Variants in RBMS3 observed in about 807,000 individuals in gnomAD.
RBMS3 encodes the protein RNA-binding motif, single-stranded-interacting protein 3.
Under a neutral mutation model 66.8 loss-of-function variants are expected in RBMS3, and 27 were observed. The observed-to-expected ratio is 0.40, with a 90% CI of 0.30 to 0.56. RBMS3 has a LOEUF of 0.56. Among genes scored for constraint, RBMS3 ranks in the 20% least tolerant of loss-of-function variants. RBMS3 has a pLI of 0.40. For missense variants in RBMS3, 513 were observed against 549.5 expected, an observed-to-expected ratio of 0.93 and a Z score of 0.66; for synonymous variants, 188 against 183.0, an observed-to-expected ratio of 1.03 and a Z score of -0.22.
At chr3:29,678,594 T>C (rs2051352199) in intron 4 of RBMS3, among the ~76,000 whole-genome samples, 1 of 151,972 alleles carries the variant, frequency 6.6e-6, no homozygotes, top group South Asian at 2.1e-4. Context: ...TAAGGAAGAG[T>C]CACCCACTTG....
At chr3:29,580,613 GT>G (rs745358858) in intron 3 of RBMS3, among the ~76,000 whole-genome samples, 2 of 150,196 alleles carry the variant, frequency 1.3e-5, no homozygotes, top group Non-Finnish European at 3.0e-5. Flanking sequence ...CCATGTTAGA[GT>G]TTTTTTTTCC....
rs1019010874 is a variant in RBMS3, at chr3:30,004,114, A to G, written c.*252A>G. The G allele has an allele frequency of 4.2e-5, 13 of 310,798 alleles. No individual in the cohort carries two copies. The highest frequency in any genetic ancestry group is 6.9e-5 in the Non-Finnish European group (12 of 174,860). The allele number at this position is 310,798 out of a possible 1,614,324, so 19.3% of individuals were successfully genotyped here. A position where few individuals can be genotyped will look rare whatever the true frequency, so the allele number is the denominator to read the frequency against. ...TTAAAGAAAAAATTTCCAGAAGAGG[A>G]AAAAAAAACTACAAAAAACAAAACA... On this transcript the variant is annotated 3_prime_UTR_variant, in exon 15 of 15. Coordinates refer to ENST00000383767, the MANE Select transcript of RBMS3 (RefSeq NM_001003793.3).
chr3:29,393,202 A>G (rs778100659), intron 1 of RBMS3, among the ~76,000 whole-genome samples: 2 of 152,220 alleles, frequency 1.3e-5, no homozygotes, highest in African/African-American at 4.8e-5. Flanking sequence ...TATAAGGTCC[A>G]TTCTGTGACC....
intron 5 of RBMS3, among the ~76,000 whole-genome samples, chr3:29,750,539 C>G (rs2055127348): frequency 6.6e-6 from 1 of 152,190 alleles, no homozygotes; most frequent in Non-Finnish European, 1.5e-5. Context: ...ACTAATATAA[C>G]TCAAACCTAT....
intron 4 of RBMS3, among the ~76,000 whole-genome samples, chr3:29,734,033 C>G (rs2054261732): frequency 6.6e-6 from 1 of 152,110 alleles, no homozygotes; most frequent in African/African-American, 2.4e-5. Flanking sequence ...CACCCACACA[C>G]ACACACACAG....
chr3:29,424,500 C>T (rs2040866507), intron 1 of RBMS3, among the ~76,000 whole-genome samples: 1 of 152,150 alleles, frequency 6.6e-6, no homozygotes, highest in Admixed American at 6.5e-5. Flanking sequence ...TAGAAGGAAA[C>T]AGGGATACGT....
chr3:29,297,484 C>T (rs1216763829), intron 1 of RBMS3, among the ~76,000 whole-genome samples: 1 of 151,866 alleles, frequency 6.6e-6, no homozygotes, highest in East Asian at 1.9e-4. Context: ...TTTCTTTGCA[C>T]TTCCATTATG....
At chr3:29,839,222 A>G (rs1399657109) in intron 6 of RBMS3, among the ~76,000 whole-genome samples, 3 of 152,114 alleles carry the variant, frequency 2.0e-5, no homozygotes. Context: ...GGTGCAGGGA[A>G]CACTTCTAAA....
chr3:29,346,549 G>A (rs2036590933), intron 1 of RBMS3, among the ~76,000 whole-genome samples: 1 of 151,718 alleles, frequency 6.6e-6, no homozygotes, highest in Non-Finnish European at 1.5e-5. Flanking sequence ...GATTACAGGT[G>A]CCGACCACCA....
At chr3:29,856,396 T>C (rs1007457210) in intron 6 of RBMS3, among the ~76,000 whole-genome samples, 2 of 152,158 alleles carry the variant, frequency 1.3e-5, no homozygotes, top group African/African-American at 4.8e-5. Context: ...TCTGGGAGAT[T>C]GTGAAAGGTC....
At chr3:29,878,344 A>C (rs1405442288) in intron 7 of RBMS3, among the ~76,000 whole-genome samples, 1 of 152,044 alleles carries the variant, frequency 6.6e-6, no homozygotes, top group Non-Finnish European at 1.5e-5. Context: ...GTTTCTCTGA[A>C]TATCTTAGTT....
chr3:29,681,975 A>G (rs1402545224), intron 4 of RBMS3, among the ~76,000 whole-genome samples: 1 of 152,138 alleles, frequency 6.6e-6, no homozygotes, highest in African/African-American at 2.4e-5. Flanking sequence ...TCCACCAACA[A>G]TTTAAAAGCA....
At chr3:29,934,402 A>T (rs1442432934) in intron 10 of RBMS3, among the ~76,000 whole-genome samples, 1 of 152,066 alleles carries the variant, frequency 6.6e-6, no homozygotes, top group Non-Finnish European at 1.5e-5. Context: ...TGTTCTTCTT[A>T]AAGTGTTTAC....
intron 6 of RBMS3, among the ~76,000 whole-genome samples, chr3:29,857,824 A>G (rs560007253): frequency 6.6e-6 from 1 of 152,226 alleles, no homozygotes; most frequent in East Asian, 1.9e-4. Flanking sequence ...CCTCAATCAA[A>G]TCAAATTCTC....
chr3:29,418,782 AT>A (rs2040582050), intron 1 of RBMS3, among the ~76,000 whole-genome samples: 1 of 152,174 alleles, frequency 6.6e-6, no homozygotes, highest in African/African-American at 2.4e-5. Context: ...ATCTTAATTC[AT>A]TTGAGTAAAA....
rs146688496 is a variant in RBMS3 at position 29,768,607 on chromosome 3, G to C, written c.637+5618G>C. Reference sequence around the variant, plus strand: ...CTAGTTTCTTCACTTTTCCACCTCAGGACAAAATTTATAAAAGCTTGCTCA... The same window carrying C: ...CTAGTTTCTTCACTTTTCCACCTCACGACAAAATTTATAAAAGCTTGCTCA... On this transcript the variant is annotated intron_variant, in intron 6 of 14. Coordinates refer to ENST00000383767, the MANE Select transcript of RBMS3 (RefSeq NM_001003793.3). Among the ~76,000 whole-genome samples, 412 of 151,942 alleles carry C rather than the reference G, an allele frequency of 2.7e-3. 2 individuals are homozygous for C. The highest frequency in any genetic ancestry group is 9.5e-3 in the African/African-American group (396 of 41,492).
chr3:29,673,952 A>G (rs1376440531), intron 4 of RBMS3, among the ~76,000 whole-genome samples: 3 of 152,336 alleles, frequency 2.0e-5, no homozygotes, highest in African/African-American at 7.2e-5. Context: ...TACAACAAAA[A>G]AAGAGAATTT....
chr3:29,704,753 T>C (rs2149296097), intron 4 of RBMS3, among the ~76,000 whole-genome samples: 1 of 152,372 alleles, frequency 6.6e-6, no homozygotes, highest in African/African-American at 2.4e-5. Context: ...CTGATTGAAA[T>C]AATTTAAAAA....
chr3:29,510,386 C>A (rs2044349364), intron 3 of RBMS3, among the ~76,000 whole-genome samples: 1 of 152,174 alleles, frequency 6.6e-6, no homozygotes, highest in Non-Finnish European at 1.5e-5. Context: ...TTCTTCCATT[C>A]TAAACCTGAC....
Sources: allele counts gnomAD v4.1 joint callset (sites outside exome capture counted in the v4.1 genomes callset), GRCh38; gene constraint gnomAD v4.1.1; transcripts MANE v1.5; gene names NCBI Gene and HGNC (gene_info 2026-07-23, HGNC 2026-07-21).